The following GABRG3 variants were observed in gnomAD, a reference collection of about 807,000 sequenced individuals.
GABRG3 encodes the protein gamma-aminobutyric acid type A receptor subunit gamma3.
A neutral mutation model predicts 48.8 loss-of-function variants in GABRG3; 25 were observed. That is an observed-to-expected ratio of 0.51 (90% CI 0.37 to 0.72). The LOEUF (loss-of-function observed/expected upper bound fraction) is 0.72, where lower values mean the gene tolerates loss of function less well. Among genes scored for constraint, GABRG3 ranks in the 30% least tolerant of loss-of-function variants. The pLI is 0.00. For synonymous variants in GABRG3, 227 were observed against 217.6 expected (o/e 1.04, Z -0.38); for missense variants, 394 against 577.9 (o/e 0.68, Z 3.26).
At chr15:27,358,989 G>A (rs571541301) in intron 5 of GABRG3, among the ~76,000 whole-genome samples, 13 of 152,226 alleles carry the variant, frequency 8.5e-5, no homozygotes, top group Non-Finnish European at 1.8e-4. Context: ...CGGGGCGAAC[G>A]CAGGCTCAGC....
chr15:27,016,748 C>G (rs990833085), intron 2 of GABRG3, among the ~76,000 whole-genome samples: 5 of 152,136 alleles, frequency 3.3e-5, no homozygotes, highest in African/African-American at 4.8e-5. Context: ...GCTCAACACT[C>G]TACCGTAAGT....
rs533349105 is a variant in GABRG3 at position 27,531,136 on chromosome 15, G to A, written c.1123-1464G>A. Among the ~76,000 whole-genome samples the A allele has an allele frequency of 9.1e-4, 138 of 152,224 alleles. 1 individual carries two copies. The highest frequency in any genetic ancestry group is 3.1e-3 in the African/African-American group (130 of 41,534). ...TGGAGGAGGAGGAGGGTGGGCAGCC[G>A]CACCGTGAGGCCCCAATGGTAGCAG... On this transcript the variant is annotated intron_variant, in intron 9 of 9. Transcript: ENST00000615808.
chr15:27,332,608 C>G (rs966981697), intron 5 of GABRG3, among the ~76,000 whole-genome samples: 8 of 152,114 alleles, frequency 5.3e-5, no homozygotes, highest in Admixed American at 2.0e-4. Flanking sequence ...TTGCAATGTC[C>G]TGGTATTTTT....
chr15:27,154,327 T>C (rs1005712625), intron 3 of GABRG3, among the ~76,000 whole-genome samples: 1 of 152,198 alleles, frequency 6.6e-6, no homozygotes, highest in Non-Finnish European at 1.5e-5. Context: ...TCAGTGCCTT[T>C]TATTTCTTTC....
intron 3 of GABRG3, among the ~76,000 whole-genome samples, chr15:27,267,416 C>G (rs776177769): frequency 6.6e-6 from 1 of 150,554 alleles, no homozygotes; most frequent in Non-Finnish European, 1.5e-5. Context: ...CATCTTTTAC[C>G]TTTAGAGTAT....
intron 3 of GABRG3, among the ~76,000 whole-genome samples, chr15:27,121,495 A>G (rs753893552): frequency 6.6e-6 from 1 of 152,232 alleles, no homozygotes; most frequent in African/African-American, 2.4e-5. Flanking sequence ...GCATAACTAC[A>G]TAGTGACTCT....
intron 5 of GABRG3, among the ~76,000 whole-genome samples, chr15:27,402,553 G>A (rs116965875): frequency 1.3e-5 from 2 of 152,332 alleles, no homozygotes; most frequent in East Asian, 3.9e-4. Context: ...TATCCTGGGA[G>A]TAAGGATAAA....
Position 27,229,634 on chromosome 15 carries a change from G to A in GABRG3, c.271-97175G>A, listed in dbSNP as rs111500955. On this transcript the variant is annotated intron_variant, in intron 3 of 9. Transcript: ENST00000615808. Reference sequence around the variant, plus strand: ...TGGGATTACAGGGGTGCACCACCACGCCCGGCTAATTTTTGCATTTTTAGT... The same window carrying A: ...TGGGATTACAGGGGTGCACCACCACACCCGGCTAATTTTTGCATTTTTAGT... Among the ~76,000 whole-genome samples the A allele has an allele frequency of 8.9e-3, 1,352 of 152,062 alleles. 24 individuals are homozygous for A. The highest frequency in any genetic ancestry group is 0.031 in the African/African-American group (1,276 of 41,442).
intron 2 of GABRG3, among the ~76,000 whole-genome samples, chr15:27,012,325 A>T (rs543527094): frequency 1.8e-4 from 27 of 152,078 alleles, no homozygotes; most frequent in Non-Finnish European, 3.4e-4. Context: ...TGTTGGGCTC[A>T]TCTTAAGAAT....
At chr15:27,287,737 C>CTTTTTTTT (rs61469529) in intron 3 of GABRG3, among the ~76,000 whole-genome samples, 4 of 123,282 alleles carry the variant, frequency 3.2e-5, no homozygotes, top group South Asian at 2.5e-4. Flanking sequence ...TTTGCTGTGT[C>CTTTTTTTT]TTTTTTTTTT....
At chr15:27,059,927 C>T (rs1251373693) in intron 3 of GABRG3, among the ~76,000 whole-genome samples, 1 of 152,192 alleles carries the variant, frequency 6.6e-6, no homozygotes, top group Non-Finnish European at 1.5e-5. Flanking sequence ...GCAGTCAAAG[C>T]TTATTGAAGA....
At chr15:27,008,684 C>A (rs867535227) in intron 2 of GABRG3, among the ~76,000 whole-genome samples, 2 of 151,882 alleles carry the variant, frequency 1.3e-5, no homozygotes, top group Non-Finnish European at 1.5e-5. Context: ...CATCCCCCTG[C>A]AAAAGGGCAC....
intron 3 of GABRG3, among the ~76,000 whole-genome samples, chr15:27,244,028 G>A (rs1453910251): frequency 1.3e-5 from 2 of 152,202 alleles, no homozygotes; most frequent in African/African-American, 4.8e-5. Context: ...GAAAGATTTA[G>A]AGGGAGTAGA....
intron 7 of GABRG3, among the ~76,000 whole-genome samples, chr15:27,520,404 A>G (rs542183919): frequency 1.3e-5 from 2 of 151,882 alleles, no homozygotes; most frequent in Non-Finnish European, 2.9e-5. Context: ...ACAAAAACAC[A>G]GGCACATCCC....
intron 3 of GABRG3, among the ~76,000 whole-genome samples, chr15:27,057,281 T>C (rs1896565251): frequency 6.6e-6 from 1 of 152,222 alleles, no homozygotes; most frequent in Admixed American, 6.5e-5. Context: ...TTTTCCGATC[T>C]GGCCAGGACA....
intron 3 of GABRG3, among the ~76,000 whole-genome samples, chr15:27,289,183 T>G (rs1229773619): frequency 6.6e-6 from 1 of 152,164 alleles, no homozygotes; most frequent in Non-Finnish European, 1.5e-5. Context: ...CTGTGCATCT[T>G]AAATCTGTAA....
intron 3 of GABRG3, among the ~76,000 whole-genome samples, chr15:27,070,122 C>T (rs568785047): frequency 2.6e-5 from 4 of 152,346 alleles, no homozygotes; most frequent in Middle Eastern, 3.4e-3. Context: ...AGTCCTCCCC[C>T]ACGTGAGGAC....
intron 3 of GABRG3, chr15:27,280,406 T>C (rs1891396913): frequency 6.6e-6 from 1 of 152,178 alleles, no homozygotes; most frequent in Admixed American, 6.5e-5. Context: ...CAGACTAGAT[T>C]GGAAATGTTC....
chr15:27,156,810 T>C (rs1388856894), intron 3 of GABRG3, among the ~76,000 whole-genome samples: 1 of 152,204 alleles, frequency 6.6e-6, no homozygotes, highest in Non-Finnish European at 1.5e-5. Context: ...GCCATGAACA[T>C]TTGGAACTTA....
Sources: allele counts gnomAD v4.1 joint callset (sites outside exome capture counted in the v4.1 genomes callset), GRCh38; gene constraint gnomAD v4.1.1; transcripts MANE v1.5; gene names NCBI Gene and HGNC (gene_info 2026-07-23, HGNC 2026-07-21).